Variants in INPP4A observed in about 807,000 individuals in gnomAD.
The protein encoded by INPP4A is inositol polyphosphate-4-phosphatase, type I, 107kD.
Under a neutral mutation model 119.8 loss-of-function variants are expected in INPP4A, and 33 were observed. That is an observed-to-expected ratio of 0.28 (90% CI 0.21 to 0.37). The LOEUF is 0.37. INPP4A is among the 10% of genes least tolerant of loss of function. The probability of loss-of-function intolerance (pLI) is 1.00; values close to 1 mark genes in which losing one functional copy is unlikely to be tolerated. For synonymous variants in INPP4A, 496 were observed against 500.7 expected, an observed-to-expected ratio of 0.99 and a Z score of 0.12; for missense variants, 956 against 1,289.9, an observed-to-expected ratio of 0.74 and a Z score of 3.97.
Position 98,500,332 on chromosome 2 carries a change from A to AG in INPP4A, c.-165-18626dup, listed in dbSNP as rs555464083. 4.9e-4 allele frequency among the ~76,000 whole-genome samples: 75 copies of AG among 152,120 alleles called. No homozygotes were observed. The South Asian group carries it at 0.015, about 30-fold the overall frequency. On this transcript the variant is annotated intron_variant, in intron 1 of 24. Coordinates refer to ENST00000409851, the MANE Select transcript of INPP4A (RefSeq NM_001134225.2). The stretch of plus-strand genomic sequence containing the variant: ...TTTGATGATCCGCCACCACTGTTTG[A>AG]GGGGGGAAAATAGGGAGGAAATCAA...
Position 98,546,565 on chromosome 2 carries a change from G to T in INPP4A, c.1055-21G>T. 1 of 1,573,594 alleles carries T rather than the reference G, an allele frequency of 6.4e-7. No homozygotes were observed. The highest frequency in any genetic ancestry group is 8.7e-7 in the Non-Finnish European group (1 of 1,143,654). On this transcript the variant is annotated intron_variant, in intron 12 of 24. Coordinates refer to ENST00000409851, the MANE Select transcript of INPP4A (RefSeq NM_001134225.2). This position sits in a 1 kb window ranked among gnomAD's most constrained non-coding sequence, Gnocchi z 4.2. ...ACAGGCCTGAGCCCAGAGTAATGGAGGAGAGCTTTCTGTCATTCAGATCAG... is the reference window on the plus strand; with the variant it reads ...ACAGGCCTGAGCCCAGAGTAATGGATGAGAGCTTTCTGTCATTCAGATCAG...
chr2:98,457,664 T>G (rs1318984433), intron 1 of INPP4A, among the ~76,000 whole-genome samples: 2 of 152,244 alleles, frequency 1.3e-5, no homozygotes, highest in African/African-American at 2.4e-5. Context: ...GTCTGCAAAT[T>G]AAACATTTGA....
intron 24 of INPP4A, among the ~76,000 whole-genome samples, chr2:98,581,091 C>T (rs148535980): frequency 6.6e-6 from 1 of 152,166 alleles, no homozygotes; most frequent in Non-Finnish European, 1.5e-5. Flanking sequence ...CAAGAGGCAG[C>T]TTTGGCCAAA....
chr2:98,496,433 A>G (rs1681962223), intron 1 of INPP4A, among the ~76,000 whole-genome samples: 2 of 152,220 alleles, frequency 1.3e-5, no homozygotes, highest in Non-Finnish European at 2.9e-5. Flanking sequence ...TGAAGAAAAC[A>G]TAGGTGAGGC....
rs1559065807 is a variant in INPP4A, at chr2:98,554,477, CGAG to C, written c.1561_1563del (p.Glu521del). ...GATCTTCCCTGCAGGTGGACTGGCACGAGGAGGAGTGGGTGAGTCTGCTGCTGT... is the reference window on the plus strand; with the variant it reads ...GATCTTCCCTGCAGGTGGACTGGCACGAGGAGTGGGTGAGTCTGCTGCTGT... On this transcript the variant is annotated inframe_deletion, in exon 15 of 25. Transcript: ENST00000409851. The surrounding 1 kb of genome is among the most constrained non-coding windows in gnomAD (Gnocchi z 4.7). 3.1e-6 allele frequency: 5 copies of C among 1,613,342 alleles called. No homozygotes were observed. The highest frequency in any genetic ancestry group is 4.2e-6 in the Non-Finnish European group (5 of 1,179,692).
rs2105995610 is a variant in INPP4A at position 98,539,686 on chromosome 2, A to G, written c.818+11A>G. On this transcript the variant is annotated intron_variant, in intron 10 of 24. Coordinates refer to ENST00000409851, the MANE Select transcript of INPP4A (RefSeq NM_001134225.2). The stretch of plus-strand genomic sequence containing the variant: ...GGAAGATGCAGCCAGGTGAGGCCAC[A>G]TGGAAGGACTGACTGTCCATCATAC... The G allele has an allele frequency of 1.2e-6, 2 of 1,601,408 alleles. No homozygotes were observed. The highest frequency in any genetic ancestry group is 1.7e-6 in the Non-Finnish European group (2 of 1,174,878).
intron 1 of INPP4A, among the ~76,000 whole-genome samples, chr2:98,490,391 G>A (rs886406567): frequency 2.0e-5 from 3 of 151,960 alleles, no homozygotes; most frequent in African/African-American, 4.8e-5. Flanking sequence ...CCTTGGCCCT[G>A]GAGAAAGGCA....
chr2:98,513,212 T>C (rs1283972547), intron 1 of INPP4A, among the ~76,000 whole-genome samples: 1 of 152,168 alleles, frequency 6.6e-6, no homozygotes, highest in East Asian at 1.9e-4. Context: ...CTTCTGCTTT[T>C]ATGACCCATG....
chr2:98,548,893 T>C, intron 13 of INPP4A: 1 of 1,511,642 alleles, frequency 6.6e-7, no homozygotes, highest in Non-Finnish European at 9.0e-7. Flanking sequence ...AATTTTTTGT[T>C]TTTGCATTTG....
chr2:98,485,608 A>G lies in INPP4A; in HGVS notation c.-165-33356A>G, dbSNP rs183551151. Among the ~76,000 whole-genome samples, 201 of 151,502 alleles carry G rather than the reference A, an allele frequency of 1.3e-3. 1 individual carries two copies. The highest frequency in any genetic ancestry group is 6.8e-3 in the Middle Eastern group (2 of 294). On this transcript the variant is annotated intron_variant, in intron 1 of 24. Transcript: ENST00000409851. ...CTCTCGCTTCGGGAACACTAATGCA[A>G]CTCTTCTGGTGGTGAGAACCCAGCT... is the stretch of plus-strand genomic sequence containing the variant.
At chr2:98,466,529 C>G (rs1457004539) in intron 1 of INPP4A, among the ~76,000 whole-genome samples, 1 of 152,222 alleles carries the variant, frequency 6.6e-6, no homozygotes, top group East Asian at 1.9e-4. Flanking sequence ...CCTCTGGACA[C>G]CTTGAATGAT....
chr2:98,587,062 G>A (rs140750290), intron 24 of INPP4A, among the ~76,000 whole-genome samples: 3 of 152,312 alleles, frequency 2.0e-5, no homozygotes, highest in South Asian at 2.1e-4. Flanking sequence ...AGAAAAGTCC[G>A]GCTCTTTAAA....
At chr2:98,561,731 T>C (rs1695510103) in intron 17 of INPP4A, among the ~76,000 whole-genome samples, 1 of 152,228 alleles carries the variant, frequency 6.6e-6, no homozygotes, top group African/African-American at 2.4e-5. Flanking sequence ...ATAATCATGA[T>C]TTTCATGATA....
At chr2:98,553,361 C>CATAAG (rs10675623) in intron 14 of INPP4A, among the ~76,000 whole-genome samples, 148,077 of 152,058 alleles carry the variant, frequency 0.97, 72,145 homozygotes, top group Middle Eastern at 1. Context: ...ATTATACAGA[C>CATAAG]ATAAGAAGAA....
intron 1 of INPP4A, among the ~76,000 whole-genome samples, chr2:98,486,124 T>G (rs1304274400): frequency 6.6e-6 from 1 of 152,172 alleles, no homozygotes; most frequent in Non-Finnish European, 1.5e-5. Context: ...AATGGAAAGT[T>G]GGATTTCTAG....
intron 2 of INPP4A, chr2:98,519,731 C>T (rs537762637): frequency 3.0e-5 from 11 of 369,072 alleles, no homozygotes; most frequent in Middle Eastern, 7.4e-4. Context: ...ACAGGACATC[C>T]TCAAGGGATC....
intron 1 of INPP4A, among the ~76,000 whole-genome samples, chr2:98,468,869 C>T (rs1473395101): frequency 3.9e-5 from 6 of 151,964 alleles, no homozygotes; most frequent in African/African-American, 1.5e-4. Context: ...TACTTCCAGC[C>T]TAGGAGGCGT....
intron 1 of INPP4A, among the ~76,000 whole-genome samples, chr2:98,493,340 C>T (rs536292846): frequency 6.6e-6 from 1 of 152,090 alleles, no homozygotes; most frequent in African/African-American, 2.4e-5. Context: ...GATCACACAC[C>T]TCTCATGATA....
intron 1 of INPP4A, among the ~76,000 whole-genome samples, chr2:98,506,776 A>G (rs1386150246): frequency 6.6e-6 from 1 of 152,194 alleles, no homozygotes; most frequent in Admixed American, 6.5e-5. Context: ...CACAAGAGGA[A>G]GGGGTCCTGG....
Sources: allele counts gnomAD v4.1 joint callset (sites outside exome capture counted in the v4.1 genomes callset), GRCh38; gene constraint gnomAD v4.1.1; non-coding constraint Gnocchi (gnomAD v3.1); transcripts MANE v1.5; gene names NCBI Gene and HGNC (gene_info 2026-07-23, HGNC 2026-07-21).